Variants in GPNMB observed in about 807,000 individuals in gnomAD.
GPNMB encodes the protein transmembrane glycoprotein NMB.
A neutral mutation model predicts 57.3 loss-of-function variants in GPNMB; 71 were observed. That is an observed-to-expected ratio of 1.24 (90% confidence interval 1.02 to 1.51). The LOEUF is 1.51. GPNMB is among the 40% of genes most tolerant of loss of function. The pLI is 0.00. For synonymous variants in GPNMB, 253 were observed against 263.2 expected, an observed-to-expected ratio of 0.96 and a Z score of 0.38; for missense variants, 677 against 691.9, an observed-to-expected ratio of 0.98 and a Z score of 0.24.
intron 1 of GPNMB, among the ~76,000 whole-genome samples, chr7:23,250,401 G>C (rs1049013428): frequency 1.3e-5 from 2 of 152,032 alleles, no homozygotes; most frequent in Admixed American, 6.6e-5. Flanking sequence ...TGTTGAAAAG[G>C]CTATCTTCCC....
At chr7:23,249,785 G>A (rs1782620287) in intron 1 of GPNMB, among the ~76,000 whole-genome samples, 1 of 143,450 alleles carries the variant, frequency 7.0e-6, no homozygotes, top group Admixed American at 6.7e-5. Flanking sequence ...GCAGATCTCT[G>A]TGAGAATATC....
chr7:23,265,252 G>A (rs1783030045), intron 6 of GPNMB, among the ~76,000 whole-genome samples: 1 of 152,102 alleles, frequency 6.6e-6, no homozygotes, highest in Non-Finnish European at 1.5e-5. Context: ...GAGAAGCCCT[G>A]GGGAAATCTC....
chr7:23,269,879 A>T, intron 8 of GPNMB, 88 bp from the exon 9 acceptor site: 2 of 818,910 alleles, frequency 2.4e-6, no homozygotes, highest in Non-Finnish European at 4.1e-6. Flanking sequence ...ATAGAAATGT[A>T]ATGACTTTCC....
chr7:23,273,968 A>G, intron 10 of GPNMB, 97 bp from the exon 11 acceptor site: 2 of 905,340 alleles, frequency 2.2e-6, no homozygotes, highest in South Asian at 3.3e-5. Context: ...GTTAAATGGA[A>G]TGAATCCTTT....
At chr7:23,264,498 T>TAG (rs1275679331) in intron 6 of GPNMB, among the ~76,000 whole-genome samples, 1 of 152,088 alleles carries the variant, frequency 6.6e-6, no homozygotes, top group Non-Finnish European at 1.5e-5. Context: ...TCGGCCTCCC[T>TAG]AGTAGCCAGC....
intron 1 of GPNMB, chr7:23,247,879 T>C (rs113158620): frequency 0.034 from 5,130 of 152,422 alleles, 243 homozygotes; most frequent in East Asian, 0.12. Context: ...CGGCCCGCAG[T>C]GCGCCGCGCG....
At chr7:23,261,848 C>T (rs1782932992) in intron 6 of GPNMB, among the ~76,000 whole-genome samples, 1 of 151,928 alleles carries the variant, frequency 6.6e-6, no homozygotes, top group Admixed American at 6.6e-5. Flanking sequence ...AATTCAATAC[C>T]ACCCTATATT....
intron 6 of GPNMB, among the ~76,000 whole-genome samples, chr7:23,264,850 C>A (rs1583830898): frequency 6.6e-6 from 1 of 152,188 alleles, no homozygotes; most frequent in African/African-American, 2.4e-5. Context: ...AACTTGACAA[C>A]TAAATTCTGC....
At chr7:23,267,651 G>A (rs1049134952) in intron 7 of GPNMB, among the ~76,000 whole-genome samples, 3 of 152,096 alleles carry the variant, frequency 2.0e-5, no homozygotes, top group African/African-American at 4.8e-5. Flanking sequence ...GGTGGAAGAG[G>A]CAAAAGGGCT....
At chr7:23,255,276 CA>C (rs1383496335) in intron 3 of GPNMB, among the ~76,000 whole-genome samples, 1 of 152,158 alleles carries the variant, frequency 6.6e-6, no homozygotes, top group African/African-American at 2.4e-5. Context: ...CTCGGTCTCC[CA>C]AAGCGCCGGG....
In GPNMB at chr7:23,273,575, T is replaced by C. The variant is rs1310401677; in HGVS notation, c.1484T>C (p.Leu495Ser). ...ANSALISVGCLAIFVTVISLL... is the reference protein window; with the variant it reads ...ANSALISVGCSAIFVTVISLL... Reference sequence around the variant, plus strand: ...AGTGCCCTGATCTCCGTTGGCTGCTTGGCCATATTTGTCACTGTGATCTCC... The same window carrying C: ...AGTGCCCTGATCTCCGTTGGCTGCTCGGCCATATTTGTCACTGTGATCTCC... The change falls in exon 10 of 11, where the codon TTG becomes TCG. Residue 495 changes from leucine (L) to serine (S), a missense_variant. Physicochemically the swap from Leu to Ser is moderately radical, Grantham distance 145. Coordinates refer to ENST00000258733, the MANE Select transcript of GPNMB (RefSeq NM_002510.3). 6.2e-7 allele frequency: 1 copy of C among 1,613,892 alleles called. No individual in the cohort carries two copies. The highest frequency in any genetic ancestry group is 2.2e-5 in the East Asian group (1 of 44,886).
intron 4 of GPNMB, among the ~76,000 whole-genome samples, chr7:23,259,260 A>C (rs113528888): frequency 0.03 from 4,573 of 152,118 alleles, 206 homozygotes; most frequent in East Asian, 0.13. Context: ...ATCTCAGCTC[A>C]CTGGAATCCC....
At chr7:23,269,852 A>T in intron 8 of GPNMB, 115 bp from the exon 9 acceptor site, 1 of 728,852 alleles carries the variant, frequency 1.4e-6, no homozygotes, top group Non-Finnish European at 2.4e-6. Context: ...AGTAACAATG[A>T]GGTGGAATTC....
At position 23,253,897 on chromosome 7, in the gene GPNMB, T is replaced by C. The variant is rs554490170; in HGVS notation, c.224-272T>C. ...AAAATGCAGACTTCTAAAACTTGTC[T>C]CCTTAACCCAACAGAGCTGATTTGT... On this transcript the variant is annotated intron_variant, in intron 2 of 10. Coordinates refer to ENST00000258733, the MANE Select transcript of GPNMB (RefSeq NM_002510.3). 6.6e-5 allele frequency among the ~76,000 whole-genome samples: 10 copies of C among 152,344 alleles called. No homozygotes were observed. In the South Asian group the frequency reaches 1.9e-3, roughly 28 times the overall value.
In GPNMB at chr7:23,246,797, T is replaced by C. The variant is rs1782539964; in HGVS notation, c.-61T>C. 1.6e-6 allele frequency: 2 copies of C among 1,228,678 alleles called. No homozygotes were observed. The highest frequency in any genetic ancestry group is 2.4e-6 in the Non-Finnish European group (2 of 828,796). The allele number at this position is 1,228,678 out of a possible 1,614,324, so 76.1% of individuals were successfully genotyped here. On this transcript the variant is annotated 5_prime_UTR_variant, in exon 1 of 11. Transcript: ENST00000258733. Reference sequence around the variant, plus strand: ...GCCAGAAGAACACTGTTGCTCTTGGTGGACGGGCCCAGAGGAATTCAGAGT... The same window carrying C: ...GCCAGAAGAACACTGTTGCTCTTGGCGGACGGGCCCAGAGGAATTCAGAGT...
chr7:23,252,557 C>G (rs927385466), intron 1 of GPNMB, among the ~76,000 whole-genome samples: 7 of 152,162 alleles, frequency 4.6e-5, no homozygotes, highest in African/African-American at 1.7e-4. Context: ...CATCAAGAAG[C>G]TGTAACAATT....
intron 9 of GPNMB, among the ~76,000 whole-genome samples, chr7:23,270,826 A>C (rs1047600258): frequency 6.6e-6 from 1 of 152,214 alleles, no homozygotes; most frequent in African/African-American, 2.4e-5. Context: ...ATTTGCATTT[A>C]CTGGTAGCAT....
chr7:23,274,317 T>A lies in GPNMB; in HGVS notation c.*93T>A. ...AACCTTTTTTTCCTAAAGATTATTGTTAAATAGATATTGTGGTTTGGGGAA... is the reference window on the plus strand; with the variant it reads ...AACCTTTTTTTCCTAAAGATTATTGATAAATAGATATTGTGGTTTGGGGAA... On this transcript the variant is annotated 3_prime_UTR_variant, in exon 11 of 11. Coordinates refer to ENST00000258733, the MANE Select transcript of GPNMB (RefSeq NM_002510.3). 1 of 937,010 alleles carries A rather than the reference T, an allele frequency of 1.1e-6. No individual in the cohort carries two copies. Among genetic ancestry groups the A allele is most frequent in the Non-Finnish European group, 1.6e-6 (1 of 607,584 alleles). 58.0% of individuals were successfully genotyped at this position (937,010 alleles called of 1,614,324 possible). A position where few individuals can be genotyped will look rare whatever the true frequency, so the allele number is the denominator to read the frequency against.
chr7:23,249,127 G>T (rs1473946667), intron 1 of GPNMB, among the ~76,000 whole-genome samples: 1 of 151,982 alleles, frequency 6.6e-6, no homozygotes, highest in Non-Finnish European at 1.5e-5. Flanking sequence ...TTGCCATGTT[G>T]CCCAGGCTGG....
Sources: gnomAD v4.1 joint callset for allele counts (sites outside exome capture counted in the v4.1 genomes callset) on GRCh38, gnomAD v4.1.1 for gene constraint, MANE v1.5 for transcripts, NCBI Gene and HGNC (gene_info 2026-07-23, HGNC 2026-07-21) for gene names.